Variants in GRM7 observed in about 807,000 individuals in gnomAD.
GRM7 encodes the protein metabotropic glutamate receptor 7.
Under a neutral mutation model 84.5 loss-of-function variants are expected in GRM7, and 35 were observed. That is an observed-to-expected ratio of 0.41 (90% CI 0.32 to 0.55). The LOEUF is 0.55. GRM7 is among the 20% of genes least tolerant of loss of function. GRM7 has a pLI of 0.19. For missense variants in GRM7, 1,003 were observed against 1,194.6 expected (o/e 0.84, Z 2.36); for synonymous variants, 487 against 455.1 (o/e 1.07, Z -0.89).
chr3:7,187,344 C>T (rs1436153177), intron 2 of GRM7, among the ~76,000 whole-genome samples: 2 of 152,162 alleles, frequency 1.3e-5, no homozygotes, highest in African/African-American at 2.4e-5. Context: ...CTATAAGTAG[C>T]ACATGTAACC....
chr3:7,180,318 A>G (rs17824992), intron 2 of GRM7, among the ~76,000 whole-genome samples: 1,960 of 152,258 alleles, frequency 0.013, 14 homozygotes, highest in Middle Eastern at 0.031. Flanking sequence ...TGCAAAGAAT[A>G]TGGTAGAATC....
At chr3:7,419,526 T>C (rs1416131733) in intron 5 of GRM7, among the ~76,000 whole-genome samples, 1 of 152,182 alleles carries the variant, frequency 6.6e-6, no homozygotes, top group African/African-American at 2.4e-5. Flanking sequence ...TATCCTTACA[T>C]GTCTAATAGC....
rs371860283 is a variant in GRM7 at position 7,355,106 on chromosome 3, A to G, written c.1033+48454A>G. 2.0e-5 allele frequency among the ~76,000 whole-genome samples: 3 copies of G among 152,134 alleles called. No individual in the cohort carries two copies. In the East Asian group the frequency reaches 5.8e-4, roughly 29 times the overall value. On this transcript the variant is annotated intron_variant, in intron 4 of 9. Coordinates refer to ENST00000357716, the MANE Select transcript of GRM7 (RefSeq NM_000844.4). ...GAGAAGGTGGTAAATAAATCAGGCT[A>G]AAAATCAGGGGTTTTTTACTTCACT...
chr3:7,365,273 G>A (rs12491212), intron 4 of GRM7, among the ~76,000 whole-genome samples: 11,782 of 151,666 alleles, frequency 0.078, 477 homozygotes, highest in Non-Finnish European at 0.09. Context: ...TATTGAAATT[G>A]ACATATTGTA....
chr3:7,589,352 CT>C (rs1695671540), intron 8 of GRM7, among the ~76,000 whole-genome samples: 1 of 152,278 alleles, frequency 6.6e-6, no homozygotes, highest in South Asian at 2.1e-4. Context: ...AAATGCTGAT[CT>C]TTTTTTCCCA....
chr3:7,703,150 G>A (rs1215224891), intron 9 of GRM7, among the ~76,000 whole-genome samples: 1 of 152,072 alleles, frequency 6.6e-6, no homozygotes, highest in Non-Finnish European at 1.5e-5. Flanking sequence ...CTAGAACTGA[G>A]AAGCATTGCT....
At chr3:7,279,392 G>A (rs899298850) in intron 2 of GRM7, among the ~76,000 whole-genome samples, 11 of 152,102 alleles carry the variant, frequency 7.2e-5, no homozygotes, top group Non-Finnish European at 1.6e-4. Flanking sequence ...AATGTACAGA[G>A]AGGAAAAGAT....
intron 2 of GRM7, among the ~76,000 whole-genome samples, chr3:7,281,027 G>A (rs1207887998): frequency 1.3e-5 from 2 of 152,062 alleles, no homozygotes; most frequent in Non-Finnish European, 2.9e-5. Flanking sequence ...CTGTTCTTTC[G>A]TGCTGGCAGA....
In GRM7 at chr3:7,013,837, C is replaced by G. The variant is rs144280087; in HGVS notation, c.520-132615C>G. Among the ~76,000 whole-genome samples the G allele has an allele frequency of 1.4e-4, 21 of 152,168 alleles. No individual in the cohort carries two copies. The East Asian group carries it at 3.1e-3, about 22-fold the overall frequency. On this transcript the variant is annotated intron_variant, in intron 1 of 9. Coordinates refer to ENST00000357716, the MANE Select transcript of GRM7 (RefSeq NM_000844.4). ...GTCTTTCAGGTCTTTTATTTTTAATCTATTAATATGTCCTATCTTTTCTCA... is the reference window on the plus strand; with the variant it reads ...GTCTTTCAGGTCTTTTATTTTTAATGTATTAATATGTCCTATCTTTTCTCA...
At chr3:7,604,867 T>C (rs1371008209) in intron 8 of GRM7, among the ~76,000 whole-genome samples, 1 of 152,186 alleles carries the variant, frequency 6.6e-6, no homozygotes, top group Non-Finnish European at 1.5e-5. Flanking sequence ...CTCATTTCAG[T>C]TTACAACAAC....
chr3:7,671,368 C>A (rs77493615), intron 8 of GRM7, among the ~76,000 whole-genome samples: 1,595 of 152,190 alleles, frequency 0.01, 33 homozygotes, highest in African/African-American at 0.037. Flanking sequence ...TGGGAATAGA[C>A]ACTGCATCAG....
At chr3:7,722,848 G>C (rs1193933417) in intron 9 of GRM7, among the ~76,000 whole-genome samples, 2 of 152,064 alleles carry the variant, frequency 1.3e-5, no homozygotes, top group African/African-American at 4.8e-5. Flanking sequence ...GGAGTGCAGT[G>C]GCACTCTGAA....
intron 9 of GRM7, chr3:7,681,980 C>A (rs1700385854): frequency 6.6e-6 from 1 of 152,108 alleles, no homozygotes; most frequent in Admixed American, 6.6e-5. Context: ...GATATAGTAG[C>A]TAAAAAGATG....
At chr3:7,007,287 T>A (rs555210831) in intron 1 of GRM7, among the ~76,000 whole-genome samples, 1 of 152,280 alleles carries the variant, frequency 6.6e-6, no homozygotes, top group Non-Finnish European at 1.5e-5. Flanking sequence ...CTAACCTGTA[T>A]CGTGATGATA....
chr3:6,983,834 CAA>C (rs1024170188), intron 1 of GRM7, among the ~76,000 whole-genome samples: 1 of 151,604 alleles, frequency 6.6e-6, no homozygotes, highest in African/African-American at 2.4e-5. Flanking sequence ...TTCTGAGTGC[CAA>C]AATATTAATA....
At position 7,069,391 on chromosome 3, in the gene GRM7, A is replaced by G. The variant is rs139294093; in HGVS notation, c.520-77061A>G. Among the ~76,000 whole-genome samples the G allele has an allele frequency of 4.7e-3, 721 of 152,118 alleles. 7 individuals are homozygous for G. Among genetic ancestry groups the G allele is most frequent in the African/African-American group, 0.017 (692 of 41,532 alleles). On this transcript the variant is annotated intron_variant, in intron 1 of 9. Coordinates refer to ENST00000357716, the MANE Select transcript of GRM7 (RefSeq NM_000844.4). ...CCAGAAGGGAGAGAACCAGGAGAACAAATACTCCGTCCTTTCTTCTTTTTC... is the reference window on the plus strand; with the variant it reads ...CCAGAAGGGAGAGAACCAGGAGAACGAATACTCCGTCCTTTCTTCTTTTTC...
rs114304246 is a variant in GRM7, at chr3:7,171,685, G to A, written c.736+25017G>A. ...GTATTAAACAAACAAAAGGTAAACCGTCCTACACACCTGCCTAAGTTGTTT... is the reference window on the plus strand; with the variant it reads ...GTATTAAACAAACAAAAGGTAAACCATCCTACACACCTGCCTAAGTTGTTT... On this transcript the variant is annotated intron_variant, in intron 2 of 9. Coordinates refer to ENST00000357716, the MANE Select transcript of GRM7 (RefSeq NM_000844.4). Among the ~76,000 whole-genome samples the A allele has an allele frequency of 5.7e-3, 870 of 152,212 alleles. 3 individuals are homozygous for A. The highest frequency in any genetic ancestry group is 9.4e-3 in the Admixed American group (144 of 15,288).
At chr3:7,472,143 A>G (rs986584393) in intron 7 of GRM7, among the ~76,000 whole-genome samples, 4 of 152,098 alleles carry the variant, frequency 2.6e-5, no homozygotes, top group Admixed American at 2.6e-4. Context: ...TGATCTCTGC[A>G]CACACTGGCT....
At position 7,582,359 on chromosome 3, in the gene GRM7, C is replaced by T. The variant is rs533677043; in HGVS notation, c.2451+3002C>T. ...TTGTAGCCAGTTATTGCCTAAAGAG[C>T]TTTCTAGGTAAGTTAACATATCTTT... On this transcript the variant is annotated intron_variant, in intron 8 of 9. Transcript: ENST00000357716. 9.9e-5 allele frequency among the ~76,000 whole-genome samples: 15 copies of T among 152,172 alleles called. No homozygotes were observed. In the South Asian group the frequency reaches 1.9e-3, roughly 19 times the overall value.
Sources: allele counts gnomAD v4.1 joint callset (sites outside exome capture counted in the v4.1 genomes callset), GRCh38; gene constraint gnomAD v4.1.1; transcripts MANE v1.5; gene names NCBI Gene and HGNC (gene_info 2026-07-23, HGNC 2026-07-21).